NHERF2: variants seen among roughly 807,000 people sequenced by gnomAD.
NHERF2 encodes the protein Na(+)/H(+) exchange regulatory cofactor NHE-RF2.
the NHERF2 span, chr16:2,036,750 G>A: frequency 1.2e-6 from 2 of 1,613,060 alleles, no homozygotes; most frequent in East Asian, 4.5e-5. Context: ...AATGTGGAGG[G>A]ACTGCGCCAT....
At chr16:2,036,321 C>T in the NHERF2 span, 14 of 1,604,246 alleles carry the variant, frequency 8.7e-6, no homozygotes, top group South Asian at 1.3e-4. Context: ...GTTGGGCCTG[C>T]AGGATGTCAG....
chr16:2,027,120 G>C, the NHERF2 span: 2 of 1,467,686 alleles, frequency 1.4e-6, 1 homozygote, highest in South Asian at 2.6e-5. Flanking sequence ...CATCCGGCGC[G>C]TGGAACCCGG....
At chr16:2,033,052 C>A in the NHERF2 span, 1 of 1,289,362 alleles carries the variant, frequency 7.8e-7, no homozygotes, top group Non-Finnish European at 9.9e-7. Context: ...GCCGGGACTC[C>A]TCCCTGTCCC....
chr16:2,032,670 GC>G, the NHERF2 span: 1 of 271,336 alleles, frequency 3.7e-6, no homozygotes, highest in Non-Finnish European at 5.7e-6. The surrounding 1 kb of genome is among the most constrained non-coding windows in gnomAD (Gnocchi z 4.0). Context: ...GATGTGGTTG[GC>G]CCCTCCTTTT....
the NHERF2 span, chr16:2,037,721 A>C: frequency 2.3e-5 from 36 of 1,551,018 alleles, no homozygotes; most frequent in Non-Finnish European, 2.9e-5. Context: ...CGTGAGCCCC[A>C]GCCCCAGCAG....
chr16:2,033,727 G>A, the NHERF2 span, among the ~76,000 whole-genome samples: 7 of 152,116 alleles, frequency 4.6e-5, no homozygotes, highest in Admixed American at 2.0e-4. Flanking sequence ...AGGGCCTGGC[G>A]GGAGGCGGCA....
the NHERF2 span, among the ~76,000 whole-genome samples, chr16:2,034,783 A>C: frequency 7.1e-6 from 1 of 140,328 alleles, no homozygotes; most frequent in Non-Finnish European, 1.6e-5. Flanking sequence ...GCTGTGCTCC[A>C]CTTCCCCTCC....
the NHERF2 span, chr16:2,038,754 G>A: frequency 4.3e-4 from 75 of 176,006 alleles, no homozygotes; most frequent in African/African-American, 9.6e-4. Flanking sequence ...GAGGCCCCAC[G>A]TCCCCGAGGA....
At chr16:2,036,958 C>T in the NHERF2 span, 23 of 1,557,298 alleles carry the variant, frequency 1.5e-5, no homozygotes, top group African/African-American at 2.7e-4. Context: ...CCCACAGGTC[C>T]TCTGCCGTCA....
At chr16:2,027,047 G>C in the NHERF2 span, 2 of 1,363,130 alleles carry the variant, frequency 1.5e-6, no homozygotes, top group Non-Finnish European at 1.9e-6. Context: ...TGTGCCGCTT[G>C]GTGCGCGGAG....
the NHERF2 span, among the ~76,000 whole-genome samples, chr16:2,029,030 A>T: frequency 6.6e-6 from 1 of 152,172 alleles, no homozygotes; most frequent in Non-Finnish European, 1.5e-5. Context: ...GCCCATGGCC[A>T]TGGCCTGGAG....
At chr16:2,037,612 C>G in the NHERF2 span, 1 of 1,611,596 alleles carries the variant, frequency 6.2e-7, no homozygotes, top group Non-Finnish European at 8.5e-7. Context: ...TATGGATGTT[C>G]TCCACTCCTG....
At chr16:2,028,502 C>T in the NHERF2 span, among the ~76,000 whole-genome samples, 1 of 152,192 alleles carries the variant, frequency 6.6e-6, no homozygotes, top group Non-Finnish European at 1.5e-5. Context: ...CCCACTGCCC[C>T]AGGAGGGCAA....
At chr16:2,037,892 G>A in the NHERF2 span, 239 of 1,609,248 alleles carry the variant, frequency 1.5e-4, no homozygotes, top group Non-Finnish European at 1.8e-4. Context: ...CACGGCGGCC[G>A]AGGCCAAGGA....
the NHERF2 span, chr16:2,036,783 A>G: frequency 1.9e-6 from 3 of 1,613,462 alleles, no homozygotes; most frequent in Non-Finnish European, 1.7e-6. Context: ...GCCAGCATCA[A>G]GGCACGGGAG....
At chr16:2,036,098 G>A in the NHERF2 span, 1 of 514,926 alleles carries the variant, frequency 1.9e-6, no homozygotes, top group East Asian at 3.1e-5. Context: ...GAAGGCGGCT[G>A]GGCCCGTCGG....
At chr16:2,030,221 G>A in the NHERF2 span, among the ~76,000 whole-genome samples, 1 of 152,218 alleles carries the variant, frequency 6.6e-6, no homozygotes, top group Admixed American at 6.5e-5. Context: ...GCCTGGGAGA[G>A]GGCCGGCCTT....
At chr16:2,031,013 G>T in the NHERF2 span, among the ~76,000 whole-genome samples, 1 of 152,238 alleles carries the variant, frequency 6.6e-6, no homozygotes, top group Non-Finnish European at 1.5e-5. Flanking sequence ...AGACCCCACT[G>T]TGAGAACCGC....
the NHERF2 span, chr16:2,037,931 C>G: frequency 6.2e-7 from 1 of 1,613,208 alleles, no homozygotes; most frequent in Non-Finnish European, 8.5e-7. Flanking sequence ...AGTCAACAAG[C>G]GCGCGCCACA....
Sources: gnomAD v4.1 joint callset for allele counts (sites outside exome capture counted in the v4.1 genomes callset) on GRCh38, gnomAD v4.1.1 for gene constraint, Gnocchi (gnomAD v3.1) non-coding constraint, MANE v1.5 for transcripts, NCBI Gene and HGNC (gene_info 2026-07-23, HGNC 2026-07-21) for gene names.